The following IQSEC2 variants were observed in gnomAD, a reference collection of about 807,000 sequenced individuals.
IQSEC2 encodes IQ motif and Sec7 domain ArfGEF 2.
A neutral mutation model predicts 74.6 loss-of-function variants in IQSEC2; 6 were observed. The ratio of observed to expected loss-of-function variants is 0.08; its 90% CI spans 0.04 to 0.16. IQSEC2 has a LOEUF of 0.16. Ranked by LOEUF, IQSEC2 falls within the 10% of genes least tolerant of loss-of-function variation. The pLI is 1.00. For synonymous variants in IQSEC2, 494 were observed against 544.5 expected (o/e 0.91, Z 1.29); for missense variants, 734 against 1,306.2 (o/e 0.56, Z 6.75).
At chrX:53,304,126 C>T (rs2075238191) in intron 1 of IQSEC2, among the ~76,000 whole-genome samples, 1 of 105,094 alleles carries the variant, frequency 9.5e-6, no homozygotes, top group Non-Finnish European at 1.9e-5. Context: ...CAGAGTGAGA[C>T]TCTGTCTCAA....
At chrX:53,226,699 T>G (rs2074040729), downstream of IQSEC2, 1 of 112,010 alleles carries the variant, frequency 8.9e-6, no homozygotes, top group African/African-American at 3.3e-5. Context: ...GCTAAGGACA[T>G]CCTGGCTGAG....
chrX:53,319,246 A>G (rs1221806397), intron 1 of IQSEC2, among the ~76,000 whole-genome samples: 7 of 112,332 alleles, frequency 6.2e-5, no homozygotes, highest in African/African-American at 2.3e-4. Flanking sequence ...CTGAGCAGTG[A>G]GAGGAGGGGG....
intron 1 of IQSEC2, among the ~76,000 whole-genome samples, chrX:53,296,138 C>T (rs1457192666): frequency 1.8e-5 from 2 of 108,885 alleles, no homozygotes; most frequent in Non-Finnish European, 3.8e-5. Context: ...TGGGTTCAAG[C>T]GATTCTCCTG....
At chrX:53,295,603 CAAAAAAAA>C (rs782410222) in intron 1 of IQSEC2, among the ~76,000 whole-genome samples, 1 of 40,578 alleles carries the variant, frequency 2.5e-5, no homozygotes, top group African/African-American at 1.2e-4. Flanking sequence ...GACTCCGTCT[CAAAAAAAA>C]AAAAAAAAAA....
At chrX:53,306,364 G>C (rs2075262933) in intron 1 of IQSEC2, among the ~76,000 whole-genome samples, 1 of 111,807 alleles carries the variant, frequency 8.9e-6, no homozygotes, top group Admixed American at 9.5e-5. Flanking sequence ...CAGGGGCAGG[G>C]CTGGGATCAG....
At chrX:53,302,207 G>A (rs782736991) in intron 1 of IQSEC2, among the ~76,000 whole-genome samples, 222 of 112,197 alleles carry the variant, frequency 2.0e-3, no homozygotes, top group Non-Finnish European at 3.5e-3. Context: ...GAGCTGACTG[G>A]GCCTTCTGCA....
intron 2 of IQSEC2, chrX:53,266,447 A>C (rs2074657899): frequency 2.6e-6 from 2 of 755,501 alleles, no homozygotes; most frequent in Non-Finnish European, 1.6e-6. Context: ...GCATGGGGTG[A>C]GGCCTTCAAG....
downstream of IQSEC2, chrX:53,225,891 T>C (rs2074033911): frequency 8.9e-6 from 1 of 112,679 alleles, no homozygotes; most frequent in African/African-American, 3.2e-5. Flanking sequence ...CAAAAGTCAC[T>C]GGGAGTCAGC....
At chrX:53,228,065 C>T (rs1556857952), downstream of IQSEC2, among the ~76,000 whole-genome samples, 1 of 111,466 alleles carries the variant, frequency 9.0e-6, no homozygotes, top group African/African-American at 3.3e-5. Context: ...ACCTCATCTT[C>T]CTGAGCCTTG....
At chrX:53,262,210 T>C (rs1170162605) in intron 2 of IQSEC2, among the ~76,000 whole-genome samples, 3 of 112,068 alleles carry the variant, frequency 2.7e-5, no homozygotes, top group Non-Finnish European at 5.6e-5. Flanking sequence ...GGAGAAGCAG[T>C]GTAGGATGTT....
At chrX:53,306,550 G>T (rs1287171447) in intron 1 of IQSEC2, among the ~76,000 whole-genome samples, 5 of 111,459 alleles carry the variant, frequency 4.5e-5, no homozygotes, top group Non-Finnish European at 7.5e-5. Context: ...TTGGCTATGT[G>T]GGGGGCCTAC....
chrX:53,277,022 C>A (rs1556869682), intron 2 of IQSEC2, among the ~76,000 whole-genome samples: 1 of 110,806 alleles, frequency 9.0e-6, no homozygotes, highest in Non-Finnish European at 1.9e-5. Flanking sequence ...TGGCATTAGG[C>A]TATAGTTGTT....
intron 2 of IQSEC2, chrX:53,279,436 C>T: frequency 2.2e-6 from 1 of 462,598 alleles, no homozygotes; most frequent in East Asian, 3.5e-5. Flanking sequence ...CAGGCACTCT[C>T]CTCATACACT....
chrX:53,311,292 T>C (rs1276469314), intron 1 of IQSEC2, among the ~76,000 whole-genome samples: 1 of 108,575 alleles, frequency 9.2e-6, no homozygotes, highest in Admixed American at 9.9e-5. Context: ...ATAGCTTCAG[T>C]TGGATGATTT....
intron 2 of IQSEC2, among the ~76,000 whole-genome samples, chrX:53,287,758 C>T (rs1235639828): frequency 2.7e-5 from 3 of 112,611 alleles, no homozygotes; most frequent in African/African-American, 3.2e-5. Flanking sequence ...TCGGTGCCAA[C>T]CAGGCACTCA....
At chrX:53,299,425 GC>G (rs1438213257) in intron 1 of IQSEC2, among the ~76,000 whole-genome samples, 1 of 111,273 alleles carries the variant, frequency 9.0e-6, no homozygotes, top group Non-Finnish European at 1.9e-5. Context: ...GCTTTTGGAG[GC>G]CTTTTTTTCT....
chrX:53,267,154 G>T lies in IQSEC2; in HGVS notation c.738-11093C>A. The T allele has an allele frequency of 3.7e-6, 4 of 1,082,738 alleles. No homozygotes were observed. The South Asian group carries it at 7.2e-5, about 19-fold the overall frequency. 89.2% of individuals were successfully genotyped at this position (1,082,738 alleles called of 1,213,427 possible). A position where few individuals can be genotyped will look rare whatever the true frequency, so the allele number is the denominator to read the frequency against. The stretch of plus-strand genomic sequence containing the variant: ...AGTTTGCAGAGCAGGGGAGATACGC[G>T]AAGGGCCAGGACCGGAACCAGAAGG... On this transcript the variant is annotated intron_variant, in intron 2 of 14. Transcript: ENST00000642864.
At chrX:53,240,657 T>A (rs57035021) in intron 10 of IQSEC2, among the ~76,000 whole-genome samples, 2,959 of 112,093 alleles carry the variant, frequency 0.026, 96 homozygotes, top group African/African-American at 0.091. Context: ...CAGTGGGCCA[T>A]CTAGGAAGCT....
At chrX:53,243,700 A>G (rs782191959) in intron 8 of IQSEC2, among the ~76,000 whole-genome samples, 107 of 111,582 alleles carry the variant, frequency 9.6e-4, no homozygotes, top group Admixed American at 2.4e-3. Context: ...CTCAGAATAC[A>G]CTGTAATTAA....
Sources: gnomAD v4.1 joint callset for allele counts (sites outside exome capture counted in the v4.1 genomes callset) on GRCh38, gnomAD v4.1.1 for gene constraint, MANE v1.5 for transcripts, NCBI Gene and HGNC (gene_info 2026-07-23, HGNC 2026-07-21) for gene names.